ACER3: variants seen among roughly 807,000 people sequenced by gnomAD.
The protein encoded by ACER3 is alkaline ceramidase 3, also known as alkCDase 3.
In ACER3, 16 loss-of-function variants were observed where a neutral mutation model predicts 48.9. The observed-to-expected ratio is 0.33, with a 90% confidence interval of 0.22 to 0.50. The LOEUF (loss-of-function observed/expected upper bound fraction) is 0.50. Among genes scored for constraint, ACER3 ranks in the 20% least tolerant of loss-of-function variants. ACER3 has a pLI of 0.98. For synonymous variants in ACER3, 109 were observed against 107.8 expected, an observed-to-expected ratio of 1.01 and a Z score of -0.07; for missense variants, 227 against 326.0, an observed-to-expected ratio of 0.70 and a Z score of 2.34.
At position 76,908,686 on chromosome 11, in the gene ACER3, AG is replaced by A. The variant is rs1274831505; in HGVS notation, c.104-17870del. Among the ~76,000 whole-genome samples, 8 of 152,336 alleles carry A rather than the reference AG, an allele frequency of 5.3e-5. No homozygotes were observed. In the East Asian group the frequency reaches 1.5e-3, roughly 29 times the overall value. On this transcript the variant is annotated intron_variant, in intron 1 of 10. Transcript: ENST00000532485. The stretch of plus-strand genomic sequence containing the variant: ...GGCCATACTGCCCAAAGTAGTTTAT[AG>A]ATTCAATGCTATTCCCATCAAGCTT...
At chr11:76,935,353 G>T (rs1229779479) in intron 2 of ACER3, among the ~76,000 whole-genome samples, 1 of 152,010 alleles carries the variant, frequency 6.6e-6, no homozygotes, top group Non-Finnish European at 1.5e-5. Flanking sequence ...CAACTTTCTA[G>T]AAATGAAAAA....
intron 1 of ACER3, among the ~76,000 whole-genome samples, chr11:76,902,484 A>G (rs1210939657): frequency 2.0e-5 from 3 of 152,162 alleles, no homozygotes; most frequent in Non-Finnish European, 2.9e-5. Context: ...TTGTTTTTTT[A>G]CAATGGTCTT....
At chr11:76,914,072 G>A (rs1009796563) in intron 1 of ACER3, among the ~76,000 whole-genome samples, 32 of 152,148 alleles carry the variant, frequency 2.1e-4, no homozygotes, top group African/African-American at 6.5e-4. Flanking sequence ...AGACTTAAAT[G>A]TTAGACCTAA....
At chr11:76,887,491 C>A (rs1349377782) in intron 1 of ACER3, among the ~76,000 whole-genome samples, 2 of 152,000 alleles carry the variant, frequency 1.3e-5, no homozygotes, top group Non-Finnish European at 1.5e-5. Flanking sequence ...TGGTAGCTAT[C>A]ATTTTTAAAA....
intron 3 of ACER3, among the ~76,000 whole-genome samples, chr11:76,968,698 T>A (rs1399002864): frequency 6.6e-6 from 1 of 152,240 alleles, no homozygotes; most frequent in African/African-American, 2.4e-5. Flanking sequence ...GGGGAAAGGA[T>A]TCCTTATTTA....
At chr11:76,952,370 C>G (rs895835249) in intron 2 of ACER3, among the ~76,000 whole-genome samples, 23 of 150,968 alleles carry the variant, frequency 1.5e-4, no homozygotes, top group African/African-American at 4.6e-4. Flanking sequence ...AGGGATTCTC[C>G]TGCCTCAGCC....
intron 1 of ACER3, among the ~76,000 whole-genome samples, chr11:76,862,599 G>A (rs1385234634): frequency 6.6e-6 from 1 of 152,166 alleles, no homozygotes; most frequent in Non-Finnish European, 1.5e-5. Context: ...ACATGGAAAA[G>A]AGGAATTCAA....
chr11:76,973,917 G>C (rs192257503), intron 3 of ACER3, among the ~76,000 whole-genome samples: 72 of 152,112 alleles, frequency 4.7e-4, no homozygotes, highest in Non-Finnish European at 5.1e-4. Context: ...ATGAGGTAGG[G>C]GTCTGGCTTC....
intron 7 of ACER3, among the ~76,000 whole-genome samples, chr11:77,012,690 AC>A (rs1555022446): frequency 6.6e-6 from 1 of 152,160 alleles, no homozygotes; most frequent in African/African-American, 2.4e-5. Context: ...AGACAGATAC[AC>A]CATTTAATGG....
At chr11:76,952,107 T>C (rs1285547473) in intron 2 of ACER3, among the ~76,000 whole-genome samples, 2 of 148,930 alleles carry the variant, frequency 1.3e-5, no homozygotes, top group Admixed American at 6.8e-5. Flanking sequence ...AATTTACTCA[T>C]AAATGTTCAG....
chr11:77,020,174 C>CTA, intron 10 of ACER3, 100 bp from the exon 11 acceptor site: 1 of 1,251,084 alleles, frequency 8.0e-7, no homozygotes, highest in Admixed American at 1.8e-5. Context: ...AGCAAACCTA[C>CTA]GTATAGTCAT....
chr11:76,965,840 G>A lies in ACER3; in HGVS notation c.267+6809G>A, dbSNP rs529339372. Among the ~76,000 whole-genome samples the A allele has an allele frequency of 5.9e-3, 899 of 151,392 alleles. 61 individuals are homozygous for A. Among genetic ancestry groups the A allele is most frequent in the African/African-American group, 0.021 (848 of 40,676 alleles). ...ACATGGAAAGGAACAACCGGTACCA[G>A]CCACTGCAAAAACATGCCAAATTGT... On this transcript the variant is annotated intron_variant, in intron 3 of 10. Coordinates refer to ENST00000532485, the MANE Select transcript of ACER3 (RefSeq NM_018367.7).
intron 1 of ACER3, among the ~76,000 whole-genome samples, chr11:76,886,471 G>A (rs190248102): frequency 9.8e-5 from 15 of 152,340 alleles, no homozygotes; most frequent in Admixed American, 2.6e-4. Context: ...ACCATTGACA[G>A]TATAACACTT....
At chr11:76,969,932 A>C (rs1948249386) in intron 3 of ACER3, among the ~76,000 whole-genome samples, 1 of 148,364 alleles carries the variant, frequency 6.7e-6, no homozygotes, top group Non-Finnish European at 1.5e-5. Context: ...GTACCCTAAA[A>C]CTTAAAGTAT....
chr11:76,948,354 T>C (rs534938166), intron 2 of ACER3, among the ~76,000 whole-genome samples: 3 of 152,110 alleles, frequency 2.0e-5, no homozygotes, highest in African/African-American at 7.2e-5. Context: ...TGGGGAACAA[T>C]TTAAAACGCT....
At chr11:76,992,673 A>C (rs1006476029) in intron 6 of ACER3, among the ~76,000 whole-genome samples, 1 of 152,200 alleles carries the variant, frequency 6.6e-6, no homozygotes, top group Non-Finnish European at 1.5e-5. Context: ...TTCATTCAAC[A>C]GATGTCTACT....
At chr11:76,972,491 G>C (rs1948330747) in intron 3 of ACER3, among the ~76,000 whole-genome samples, 1 of 152,050 alleles carries the variant, frequency 6.6e-6, no homozygotes, top group Admixed American at 6.6e-5. Flanking sequence ...CTAGATACTA[G>C]ACTCTGGATA....
At chr11:76,875,589 T>G (rs1945351730) in intron 1 of ACER3, among the ~76,000 whole-genome samples, 2 of 152,136 alleles carry the variant, frequency 1.3e-5, no homozygotes, top group South Asian at 4.1e-4. Flanking sequence ...CAGTTCATTT[T>G]ATTTTTTGAT....
At chr11:76,863,559 T>A (rs187088400) in intron 1 of ACER3, among the ~76,000 whole-genome samples, 2 of 152,302 alleles carry the variant, frequency 1.3e-5, no homozygotes, top group East Asian at 3.9e-4. Context: ...GATAATTTGA[T>A]CTTTGAAAAA....
Sources: allele counts gnomAD v4.1 joint callset (sites outside exome capture counted in the v4.1 genomes callset), GRCh38; gene constraint gnomAD v4.1.1; transcripts MANE v1.5; gene names NCBI Gene and HGNC (gene_info 2026-07-23, HGNC 2026-07-21).